The following CCM2L variants were observed in gnomAD, a reference collection of about 807,000 sequenced individuals.
CCM2L encodes the protein cerebral cavernous malformations 2 protein-like.
In CCM2L, 36 loss-of-function variants were observed where a neutral mutation model predicts 54.1. That is an observed-to-expected ratio of 0.67 (90% CI 0.51 to 0.88). The LOEUF is 0.88. Ranked by LOEUF, CCM2L falls within the 40% of genes least tolerant of loss-of-function variation. The pLI, the probability that CCM2L is intolerant of heterozygous loss-of-function variation, is 0.00. For missense variants in CCM2L, 700 were observed against 812.1 expected, an observed-to-expected ratio of 0.86 and a Z score of 1.68; for synonymous variants, 351 against 359.3, an observed-to-expected ratio of 0.98 and a Z score of 0.26.
At chr20:32,028,099 T>C (rs997201460) in intron 7 of CCM2L, 2 of 151,914 alleles carry the variant, frequency 1.3e-5, no homozygotes, top group African/African-American at 2.4e-5. Context: ...GCTTGGAGGA[T>C]GAAAGGGGGA....
chr20:32,022,959 T>C (rs117949705), intron 6 of CCM2L, among the ~76,000 whole-genome samples, 164 bp downstream of exon 6: 2,419 of 146,606 alleles, frequency 0.017, 33 homozygotes, highest in Middle Eastern at 0.028. Context: ...AATTTTCTTT[T>C]TCTTTTTCTT....
Position 32,014,952 on chromosome 20 carries a change from CG to C in CCM2L, c.82del (p.Ala28GlnfsTer7). 1 of 1,601,962 alleles carries C rather than the reference CG, an allele frequency of 6.2e-7. No homozygotes were observed. The highest frequency in any genetic ancestry group is 8.5e-7 in the Non-Finnish European group (1 of 1,174,240). On this transcript the variant is annotated frameshift_variant, in exon 2 of 10. Coordinates refer to ENST00000452892, the MANE Select transcript of CCM2L (RefSeq NM_001365692.1). LOFTEE classifies it high-confidence loss of function. Reference sequence around the variant, plus strand: ...GCTGGTGTTCCCCAAGGCCGGGCGCCGGGCAGCCTGTAGGAGCAGCGTGAGC... The same window carrying C: ...GCTGGTGTTCCCCAAGGCCGGGCGCCGGCAGCCTGTAGGAGCAGCGTGAGC... ...RRLVFPKAGR[R>X]AACRSSVSRR...
At chr20:32,017,593 A>C (rs1410752160) in intron 2 of CCM2L, among the ~76,000 whole-genome samples, 2 of 152,188 alleles carry the variant, frequency 1.3e-5, no homozygotes, top group African/African-American at 4.8e-5. Context: ...TCTCATCCTT[A>C]AAGCAAGGGT....
Position 32,031,216 on chromosome 20 carries a change from G to GACATCGAGGC in CCM2L, c.1619_1628dup (p.Leu544HisfsTer8). 1 of 1,300,748 alleles carries GACATCGAGGC rather than the reference G, an allele frequency of 7.7e-7. No homozygotes were observed. The highest frequency in any genetic ancestry group is 1.0e-6 in the Non-Finnish European group (1 of 988,576). 80.6% of individuals were successfully genotyped at this position (1,300,748 alleles called of 1,614,324 possible). ...CCGGCTGCTGGCTGACATCACGCAC[G>GACATCGAGGC]ACATCGAGGCGCTGGCCCCCGATGA... On this transcript the variant is annotated frameshift_variant, in exon 10 of 10. Transcript: ENST00000452892. LOFTEE classifies it low-confidence loss of function (END_TRUNC).
intron 7 of CCM2L, among the ~76,000 whole-genome samples, chr20:32,027,213 AG>A (rs1247289540): frequency 1.3e-5 from 2 of 152,218 alleles, no homozygotes. Context: ...TATATTACTA[AG>A]GGCTTCAGTT....
rs368759046 is a variant in CCM2L at position 32,010,556 on chromosome 20, G to A, written c.30+72G>A. 104 of 1,098,016 alleles carry A rather than the reference G, an allele frequency of 9.5e-5. 2 individuals are homozygous for A. The Middle Eastern group carries it at 1.2e-3, about 12-fold the overall frequency. 68.0% of individuals were successfully genotyped at this position (1,098,016 alleles called of 1,614,324 possible). Reference sequence around the variant, plus strand: ...GCTGGGGAAGGGGGCAAACTGGGGCGGGGTGGGGGGTCGGTAGCGAGGGGC... The same window carrying A: ...GCTGGGGAAGGGGGCAAACTGGGGCAGGGTGGGGGGTCGGTAGCGAGGGGC... On this transcript the variant is annotated intron_variant, in intron 1 of 9. Coordinates refer to ENST00000452892, the MANE Select transcript of CCM2L (RefSeq NM_001365692.1).
intron 2 of CCM2L, among the ~76,000 whole-genome samples, chr20:32,015,549 G>GA (rs1325757945): frequency 6.6e-6 from 1 of 152,212 alleles, no homozygotes; most frequent in Non-Finnish European, 1.5e-5. Context: ...CAATAACAAG[G>GA]ATGGCACCAT....
rs991452086 is a variant in CCM2L, at chr20:32,011,049, G to C, written c.30+565G>C. Among the ~76,000 whole-genome samples the C allele has an allele frequency of 5.3e-5, 8 of 152,060 alleles. No individual in the cohort carries two copies. The East Asian group carries it at 1.5e-3, about 29-fold the overall frequency. The stretch of plus-strand genomic sequence containing the variant: ...TATGCTTCTCTGGGTGTCTCACCTG[G>C]TTGTCTTTGGAGTTCAGGGAGGCGC... On this transcript the variant is annotated intron_variant, in intron 1 of 9. Coordinates refer to ENST00000452892, the MANE Select transcript of CCM2L (RefSeq NM_001365692.1).
chr20:32,017,777 C>A, intron 2 of CCM2L, 23 bp from the exon 3 acceptor site: 1 of 1,605,258 alleles, frequency 6.2e-7, no homozygotes, highest in Non-Finnish European at 8.5e-7. Context: ...CTGTGTCCTT[C>A]TCTCACCCCG....
intron 5 of CCM2L, among the ~76,000 whole-genome samples, chr20:32,019,957 A>G (rs921196226): frequency 6.6e-6 from 1 of 152,198 alleles, no homozygotes; most frequent in Non-Finnish European, 1.5e-5. Flanking sequence ...CACCCAAGAG[A>G]GAAGCCTTCC....
chr20:32,018,013 A>T lies in CCM2L; in HGVS notation c.317A>T (p.Glu106Val), dbSNP rs1373581494. ...LKELPLKTTA[E>V]QDSILSLSAR... ...GAGCTGCCGCTGAAGACCACGGCGG[A>T]GCAGGACAGCATCCTGAGCCTGTCT... The change falls in exon 4 of 10, where the codon GAG becomes GTG. Residue 106 changes from glutamate (E) to valine (V), a missense_variant. Glu to Val is a moderately radical substitution (Grantham distance 121). Coordinates refer to ENST00000452892, the MANE Select transcript of CCM2L (RefSeq NM_001365692.1). 3 of 1,613,536 alleles carry T rather than the reference A, an allele frequency of 1.9e-6. No homozygotes were observed. The highest frequency in any genetic ancestry group is 2.5e-6 in the Non-Finnish European group (3 of 1,179,944).
rs751091796 is a variant in CCM2L, at chr20:32,018,138, C to T, written c.442C>T (p.Leu148=). Residue 148 remains leucine, a synonymous_variant, in exon 4 of 10, where the codon CTG becomes TTG. Coordinates refer to ENST00000452892, the MANE Select transcript of CCM2L (RefSeq NM_001365692.1). ...CGCCTCCTACCTGCAGGACGACGCG[C>T]TGCACCTGCTAGTGCTCAAGACCGG... ...AAASYLQDDA[L]HLLVLKTGLG... 8.5e-5 allele frequency: 135 copies of T among 1,595,154 alleles called. No homozygotes were observed. The highest frequency in any genetic ancestry group is 6.8e-6 in the Non-Finnish European group (8 of 1,173,416).
At chr20:32,015,135 C>T in intron 2 of CCM2L, 64 bp downstream of exon 2, 3 of 1,405,122 alleles carry the variant, frequency 2.1e-6, no homozygotes, top group African/African-American at 3.0e-5. Flanking sequence ...TTCTCCTTGA[C>T]ACCAAGTTCT....
In CCM2L at chr20:32,031,056, G is replaced by A. The variant is rs751323701; in HGVS notation, c.1458G>A (p.Glu486=). 1.5e-5 allele frequency: 20 copies of A among 1,304,166 alleles called. No homozygotes were observed. In the South Asian group the frequency reaches 2.3e-4, roughly 15 times the overall value. The allele number at this position is 1,304,166 out of a possible 1,614,324, so 80.8% of individuals were successfully genotyped here. ...QDIGYFEGFL[E]GVGIREGGIL... ...TCGGCTACTTCGAGGGCTTCCTGGA[G>A]GGCGTGGGCATCCGCGAGGGCGGCA... The change falls in exon 10 of 10, where the codon GAG becomes GAA. Residue 486 remains glutamate, a synonymous_variant. Transcript: ENST00000452892.
intron 2 of CCM2L, 110 bp downstream of exon 2, chr20:32,015,181 C>A: frequency 8.6e-7 from 1 of 1,169,068 alleles, no homozygotes; most frequent in East Asian, 2.9e-5. Flanking sequence ...AGTTGTGGCT[C>A]ATTGGAAAGA....
rs1288751677 is a variant in CCM2L, at chr20:32,018,931, G to A, written c.467-12G>A. 8 of 1,328,862 alleles carry A rather than the reference G, an allele frequency of 6.0e-6. No individual in the cohort carries two copies. Among genetic ancestry groups the A allele is most frequent in the African/African-American group, 3.1e-5 (2 of 64,968 alleles). The allele number at this position is 1,328,862 out of a possible 1,614,324, so 82.3% of individuals were successfully genotyped here. A position where few individuals can be genotyped will look rare whatever the true frequency, so the allele number is the denominator to read the frequency against. On this transcript the variant is annotated splice_polypyrimidine_tract_variant and intron_variant, in intron 4 of 9. Transcript: ENST00000452892. The stretch of plus-strand genomic sequence containing the variant: ...CGATCCCCGCGGCTGACGGTCCCCC[G>A]GACTCTCCTAGGTCTGGGTGTGGAC...
intron 4 of CCM2L, 130 bp downstream of exon 4, chr20:32,018,292 C>A: frequency 1.4e-6 from 1 of 714,994 alleles, no homozygotes. Context: ...GGACCTGCGG[C>A]GGGGGCAGAG....
intron 9 of CCM2L, 36 bp from the exon 10 acceptor site, chr20:32,030,965 G>A (rs919820221): frequency 7.7e-7 from 1 of 1,297,974 alleles, no homozygotes; most frequent in African/African-American, 1.5e-5. Flanking sequence ...GAAAGGGAAC[G>A]TGTCCTGGGG....
At chr20:32,016,213 T>C (rs1029761804) in intron 2 of CCM2L, among the ~76,000 whole-genome samples, 10 of 152,022 alleles carry the variant, frequency 6.6e-5, no homozygotes, top group Non-Finnish European at 1.5e-4. Flanking sequence ...AAGATTGATA[T>C]GGGGGTAGGG....
Sources: gnomAD v4.1 joint callset for allele counts (sites outside exome capture counted in the v4.1 genomes callset) on GRCh38, gnomAD v4.1.1 for gene constraint, MANE v1.5 for transcripts, NCBI Gene and HGNC (gene_info 2026-07-23, HGNC 2026-07-21) for gene names.